Variants in ZNF343 observed in about 807,000 individuals in gnomAD.
The protein encoded by ZNF343 is zinc finger protein 343.
ZNF343 carries 11 observed loss-of-function variants against 13.8 expected under a neutral mutation model. The observed-to-expected ratio is 0.80, with a 90% confidence interval of 0.50 to 1.32. ZNF343 has a LOEUF of 1.32. Among genes scored for constraint, ZNF343 ranks in the 40% most tolerant of loss-of-function variants. The pLI is 0.00. For missense variants in ZNF343, 658 were observed against 714.2 expected, an observed-to-expected ratio of 0.92 and a Z score of 0.90; for synonymous variants, 248 against 260.0, an observed-to-expected ratio of 0.95 and a Z score of 0.44.
chr20:2,483,088 C>G lies in ZNF343; in HGVS notation c.*73G>C. On this transcript the variant is annotated 3_prime_UTR_variant, in exon 6 of 6. Transcript: ENST00000278772. ...CACAGGGTCTACTCCCCATGTGTCT[C>G]TCTGGGGTAACATGAGGCTTGACTG... 1.3e-6 allele frequency: 2 copies of G among 1,511,904 alleles called. No homozygotes were observed. Among genetic ancestry groups the G allele is most frequent in the Non-Finnish European group, 1.8e-6 (2 of 1,121,218 alleles). The allele number at this position is 1,511,904 out of a possible 1,614,324, so 93.7% of individuals were successfully genotyped here.
At chr20:2,496,977 G>C (rs892014285) in intron 2 of ZNF343, among the ~76,000 whole-genome samples, 3 of 140,194 alleles carry the variant, frequency 2.1e-5, no homozygotes. Flanking sequence ...CTACTCGGGA[G>C]GCTGAGGCAG....
intron 2 of ZNF343, among the ~76,000 whole-genome samples, chr20:2,499,620 A>C (rs1476981824): frequency 6.6e-6 from 1 of 152,138 alleles, no homozygotes; most frequent in East Asian, 1.9e-4. Context: ...GGGTAGCACA[A>C]CAGTGAGATG....
chr20:2,502,868 G>C (rs1311852089), intron 1 of ZNF343, among the ~76,000 whole-genome samples: 1 of 152,174 alleles, frequency 6.6e-6, no homozygotes, highest in East Asian at 1.9e-4. Context: ...ATGCCAAATT[G>C]TAAAGACCAT....
intron 1 of ZNF343, among the ~76,000 whole-genome samples, chr20:2,520,246 T>C (rs1242904538): frequency 6.6e-6 from 1 of 152,208 alleles, no homozygotes; most frequent in African/African-American, 2.4e-5. Flanking sequence ...AGTTTGTATA[T>C]ACTATGAAGT....
chr20:2,504,800 C>A (rs1353445321), intron 1 of ZNF343, among the ~76,000 whole-genome samples: 1 of 152,144 alleles, frequency 6.6e-6, no homozygotes, highest in Non-Finnish European at 1.5e-5. Flanking sequence ...TGGGACATAT[C>A]TCAAAATAAT....
intron 5 of ZNF343, among the ~76,000 whole-genome samples, chr20:2,485,021 C>T (rs2085260887): frequency 2.0e-5 from 3 of 152,092 alleles, no homozygotes; most frequent in Admixed American, 2.0e-4. Flanking sequence ...AAATCTCCTT[C>T]ATGACTTTTC....
intron 2 of ZNF343, among the ~76,000 whole-genome samples, chr20:2,494,250 CTTAG>C (rs2085420959): frequency 6.6e-6 from 1 of 152,024 alleles, no homozygotes; most frequent in Non-Finnish European, 1.5e-5. Flanking sequence ...GCCACTCTCC[CTTAG>C]CTCTCAAACT....
intron 1 of ZNF343, among the ~76,000 whole-genome samples, chr20:2,506,766 A>T (rs2085664885): frequency 6.6e-6 from 1 of 152,070 alleles, no homozygotes; most frequent in South Asian, 2.1e-4. Context: ...GGACACAGGA[A>T]GGGGAACATC....
chr20:2,503,487 C>G (rs969075883), intron 1 of ZNF343, among the ~76,000 whole-genome samples: 2 of 152,196 alleles, frequency 1.3e-5, no homozygotes, highest in Admixed American at 1.3e-4. Flanking sequence ...ACTCTCTACC[C>G]CAAATCAACA....
At chr20:2,509,264 T>G (rs1444842077), upstream of ZNF343, 1 of 151,636 alleles carries the variant, frequency 6.6e-6, no homozygotes, top group Non-Finnish European at 1.5e-5. Context: ...GGGTACAGAG[T>G]TTACTGCACC....
chr20:2,501,416 A>C lies in ZNF343; in HGVS notation c.-236-674T>G, dbSNP rs190521974. On this transcript the variant is annotated intron_variant, in intron 1 of 5. Transcript: ENST00000278772. The stretch of plus-strand genomic sequence containing the variant: ...GCATTGCCAAACAAAAGGCAGCAGA[A>C]TCCTCTGCAGACTTAAATGTCCCTG... 5.9e-5 allele frequency among the ~76,000 whole-genome samples: 9 copies of C among 152,300 alleles called. No homozygotes were observed. In the East Asian group the frequency reaches 1.7e-3, roughly 30 times the overall value.
At chr20:2,486,505 G>A (rs2085283475) in intron 5 of ZNF343, 1 of 152,240 alleles carries the variant, frequency 6.6e-6, no homozygotes, top group Admixed American at 6.5e-5. Context: ...GCCGGGTGCA[G>A]TGGCTCATGC....
intron 5 of ZNF343, chr20:2,491,803 AGAGTT>A (rs1361030911): frequency 6.6e-6 from 1 of 152,160 alleles, no homozygotes; most frequent in East Asian, 1.9e-4. Flanking sequence ...CCCCTGATCT[AGAGTT>A]ATGTTGCAAT....
chr20:2,499,587 A>C (rs990963611), intron 2 of ZNF343, among the ~76,000 whole-genome samples: 27 of 152,048 alleles, frequency 1.8e-4, no homozygotes, highest in Non-Finnish European at 3.5e-4. Flanking sequence ...GTGAACTAGA[A>C]TGTGGAGAAA....
intron 1 of ZNF343, among the ~76,000 whole-genome samples, chr20:2,506,093 T>C (rs1423821045): frequency 2.0e-5 from 3 of 151,950 alleles, no homozygotes; most frequent in East Asian, 3.8e-4. Flanking sequence ...CCAACAAATT[T>C]ACAAGAAAAA....
At position 2,518,945 on chromosome 20, in the gene ZNF343, G is replaced by T. The variant is rs2085771341; in HGVS notation, c.-347+5510C>A. 6.6e-6 allele frequency among the ~76,000 whole-genome samples: 1 copy of T among 152,118 alleles called. No individual in the cohort carries two copies. The highest frequency in any genetic ancestry group is 2.4e-5 in the African/African-American group (1 of 41,402). On this transcript the variant is annotated intron_variant, in intron 1 of 6. Transcript: ENST00000358413. This position sits in a 1 kb window ranked among gnomAD's most constrained non-coding sequence, Gnocchi z 4.6. ...AGATCTGATGGTTTAAAAGTGTTTG[G>T]CAGTTCCCTGCCCCCCTCTCTCTTT...
intron 5 of ZNF343, among the ~76,000 whole-genome samples, chr20:2,490,436 A>T (rs979957288): frequency 6.6e-6 from 1 of 152,166 alleles, no homozygotes; most frequent in Non-Finnish European, 1.5e-5. Flanking sequence ...AAGGAATGCA[A>T]TTGGGATCCA....
Position 2,484,537 on chromosome 20 carries a change from G to A in ZNF343, c.424C>T (p.His142Tyr). 12 of 1,614,208 alleles carry A rather than the reference G, an allele frequency of 7.4e-6. No individual in the cohort carries two copies. Among genetic ancestry groups the A allele is most frequent in the Non-Finnish European group, 1.0e-5 (12 of 1,180,030 alleles). ...FLGLCAENHFHPGNSSPGHWK... is the reference protein window; with the variant it reads ...FLGLCAENHFYPGNSSPGHWK... ...TGCCCTGGGCTAGAATTCCCTGGAT[G>A]GAAGTGATTTTCTGCACATAAGCCC... Residue 142 changes from histidine to tyrosine, a missense_variant, in exon 6 of 6, where the codon CAT becomes TAT. Physicochemically the swap from His to Tyr is moderately conservative, Grantham distance 83 (BLOSUM62 2). Coordinates refer to ENST00000278772, the MANE Select transcript of ZNF343 (RefSeq NM_024325.6).
At chr20:2,503,875 C>T (rs1328238840) in intron 1 of ZNF343, among the ~76,000 whole-genome samples, 1 of 151,796 alleles carries the variant, frequency 6.6e-6, no homozygotes, top group African/African-American at 2.4e-5. Context: ...CTAAAACTGA[C>T]ACCCTAACAT....
Sources: allele counts gnomAD v4.1 joint callset (sites outside exome capture counted in the v4.1 genomes callset), GRCh38; gene constraint gnomAD v4.1.1; non-coding constraint Gnocchi (gnomAD v3.1); transcripts MANE v1.5; gene names NCBI Gene and HGNC (gene_info 2026-07-23, HGNC 2026-07-21).